RIMS1: variants seen among roughly 807,000 people sequenced by gnomAD.
RIMS1 encodes the protein regulating synaptic membrane exocytosis 1, also known as regulating synaptic membrane exocytosis protein 1.
In RIMS1, 83 loss-of-function variants were observed where a neutral mutation model predicts 214.1. That is an observed-to-expected ratio of 0.39 (90% CI 0.32 to 0.47). RIMS1 has a LOEUF of 0.47. RIMS1 is among the 20% of genes least tolerant of loss of function. The pLI is 0.99. For synonymous variants in RIMS1, 793 were observed against 786.8 expected, an observed-to-expected ratio of 1.01 and a Z score of -0.13; for missense variants, 2,050 against 2,161.8, an observed-to-expected ratio of 0.95 and a Z score of 1.03.
intron 1 of RIMS1, among the ~76,000 whole-genome samples, chr6:71,954,544 T>G (rs937624880): frequency 6.6e-6 from 1 of 152,212 alleles, no homozygotes; most frequent in Non-Finnish European, 1.5e-5. Flanking sequence ...ATTATTTTCT[T>G]TGAAAAAGTG....
At chr6:71,967,762 G>A (rs1030248288) in intron 1 of RIMS1, among the ~76,000 whole-genome samples, 6 of 152,244 alleles carry the variant, frequency 3.9e-5, no homozygotes, top group Admixed American at 1.3e-4. Context: ...AAATAGCACC[G>A]TTTTCTTTTC....
chr6:72,157,925 T>C lies in RIMS1; in HGVS notation c.472-21650T>C, dbSNP rs772980470. 1.7e-4 allele frequency among the ~76,000 whole-genome samples: 24 copies of C among 140,774 alleles called. 5 individuals carry two copies. Among genetic ancestry groups the C allele is most frequent in the Admixed American group, 5.8e-4 (8 of 13,746 alleles). The allele number at this position is 140,774 out of a possible 152,430, so 92.4% of individuals were successfully genotyped here. A position where few individuals can be genotyped will look rare whatever the true frequency, so the allele number is the denominator to read the frequency against. On this transcript the variant is annotated intron_variant, in intron 4 of 33. Transcript: ENST00000521978. ...TTATTTTGTTATTCATAAAATCTTA[T>C]GTTATTAATGCTTAGTATATACTAA...
At chr6:72,296,184 T>A (rs1212389587) in intron 26 of RIMS1, among the ~76,000 whole-genome samples, 2 of 151,856 alleles carry the variant, frequency 1.3e-5, no homozygotes, top group Non-Finnish European at 2.9e-5. Flanking sequence ...TTTTTAAAAA[T>A]TTTATTTAAA....
At chr6:72,332,350 C>A (rs1316088449) in intron 28 of RIMS1, among the ~76,000 whole-genome samples, 5 of 151,374 alleles carry the variant, frequency 3.3e-5, no homozygotes, top group African/African-American at 1.2e-4. Flanking sequence ...ATGTACTGGT[C>A]TAGATGGATA....
intron 6 of RIMS1, among the ~76,000 whole-genome samples, chr6:72,215,625 C>T (rs1351000028): frequency 1.3e-5 from 2 of 152,116 alleles, no homozygotes; most frequent in Non-Finnish European, 2.9e-5. Flanking sequence ...TAATATTTGG[C>T]ACTTAATAAG....
intron 2 of RIMS1, among the ~76,000 whole-genome samples, chr6:71,986,058 A>C (rs1308446661): frequency 6.6e-6 from 1 of 152,200 alleles, no homozygotes; most frequent in Non-Finnish European, 1.5e-5. Context: ...AGTTTCAGAT[A>C]CAGTTAATAT....
chr6:71,994,799 A>G (rs1007352757), intron 2 of RIMS1, among the ~76,000 whole-genome samples: 1 of 152,138 alleles, frequency 6.6e-6, no homozygotes, highest in African/African-American at 2.4e-5. Flanking sequence ...TCTCCCTTAA[A>G]TTATGTTTGT....
chr6:72,290,701 A>T lies in RIMS1; in HGVS notation c.3577A>T (p.Arg1193Ter). 6.2e-7 allele frequency: 1 copy of T among 1,613,636 alleles called. No homozygotes were observed. The highest frequency in any genetic ancestry group is 1.7e-5 in the Admixed American group (1 of 59,998). Residue 1193 changes from arginine (R) to a stop codon, truncating the protein, a stop_gained, in exon 25 of 34, where the codon AGA becomes TGA. Coordinates refer to ENST00000521978, the MANE Select transcript of RIMS1 (RefSeq NM_014989.7). LOFTEE classifies it high-confidence loss of function. Reference sequence around the variant, plus strand: ...TAGGGTTCTCCCAACATGTCTTTCTAGAAGGGGACACGCAGCCCCAAGAGC... The same window carrying T: ...TAGGGTTCTCCCAACATGTCTTTCTTGAAGGGGACACGCAGCCCCAAGAGC... ...AERVLPTCLS[R>*]RGHAAPRATD...
At chr6:71,988,728 C>T (rs1365884948) in intron 2 of RIMS1, among the ~76,000 whole-genome samples, 1 of 152,098 alleles carries the variant, frequency 6.6e-6, no homozygotes, top group Non-Finnish European at 1.5e-5. Flanking sequence ...TTAAACTATA[C>T]AATTGTGACT....
chr6:72,004,087 T>C (rs1472010687), intron 2 of RIMS1, among the ~76,000 whole-genome samples: 1 of 144,966 alleles, frequency 6.9e-6, no homozygotes, highest in Non-Finnish European at 1.5e-5. Flanking sequence ...TTCTCATTGT[T>C]CAATTCCCAC....
At chr6:72,068,154 A>T (rs1829761377) in intron 2 of RIMS1, among the ~76,000 whole-genome samples, 1 of 152,076 alleles carries the variant, frequency 6.6e-6, no homozygotes, top group Non-Finnish European at 1.5e-5. Context: ...CAGGGGACCA[A>T]TTTTTTTGGT....
chr6:72,276,510 G>T (rs567805513), intron 23 of RIMS1, among the ~76,000 whole-genome samples: 76 of 152,066 alleles, frequency 5.0e-4, no homozygotes, highest in Non-Finnish European at 9.6e-4. Flanking sequence ...TATAAGAGTA[G>T]ATTTTGGGAC....
intron 1 of RIMS1, among the ~76,000 whole-genome samples, 173 bp from the exon 2 acceptor site, chr6:71,968,809 GC>G (rs1164024297): frequency 6.6e-6 from 1 of 152,208 alleles, no homozygotes; most frequent in Non-Finnish European, 1.5e-5. Context: ...GCTTTTGGAA[GC>G]CTGAGTCAAA....
At chr6:72,135,304 A>T (rs1228888020) in intron 4 of RIMS1, among the ~76,000 whole-genome samples, 2 of 152,212 alleles carry the variant, frequency 1.3e-5, no homozygotes, top group African/African-American at 2.4e-5. Flanking sequence ...AATGATACTC[A>T]ATATAAATAT....
At chr6:72,064,695 T>C (rs561512837) in intron 2 of RIMS1, among the ~76,000 whole-genome samples, 167 of 850 alleles carry the variant, frequency 0.2, 1 homozygote, top group African/African-American at 0.36. Context: ...GATGATGAAG[T>C]TTAAAAAAAA....
chr6:72,122,629 TATTA>T (rs1189749171), intron 4 of RIMS1, among the ~76,000 whole-genome samples: 1 of 151,740 alleles, frequency 6.6e-6, no homozygotes, highest in Non-Finnish European at 1.5e-5. Context: ...GTTTTTAGGG[TATTA>T]ATTATTGCCT....
At chr6:71,971,191 C>A (rs1300117967) in intron 2 of RIMS1, among the ~76,000 whole-genome samples, 1 of 152,074 alleles carries the variant, frequency 6.6e-6, no homozygotes, top group East Asian at 1.9e-4. Context: ...ATGGCATAAT[C>A]AGATTTGCTT....
chr6:71,943,122 GA>G, intron 1 of RIMS1, among the ~76,000 whole-genome samples: 1 of 152,034 alleles, frequency 6.6e-6, no homozygotes, highest in East Asian at 1.9e-4. Context: ...TGAAAAGAAA[GA>G]AAAAATATTT....
intron 1 of RIMS1, among the ~76,000 whole-genome samples, chr6:71,897,816 T>C (rs998988604): frequency 1.3e-5 from 2 of 151,570 alleles, no homozygotes; most frequent in African/African-American, 4.8e-5. Flanking sequence ...TGTATATGGA[T>C]GGATGAATGA....
Sources: allele counts gnomAD v4.1 joint callset (sites outside exome capture counted in the v4.1 genomes callset), GRCh38; gene constraint gnomAD v4.1.1; transcripts MANE v1.5; gene names NCBI Gene and HGNC (gene_info 2026-07-23, HGNC 2026-07-21).